PJA2: variants seen among roughly 807,000 people sequenced by gnomAD.
PJA2 encodes the protein E3 ubiquitin-protein ligase Praja-2.
A neutral mutation model predicts 69.3 loss-of-function variants in PJA2; 25 were observed. The observed-to-expected ratio is 0.36, with a 90% CI of 0.26 to 0.50. The LOEUF is 0.50. Ranked by LOEUF, PJA2 falls within the 20% of genes least tolerant of loss-of-function variation. The pLI is 0.96. For synonymous variants in PJA2, 308 were observed against 277.8 expected (o/e 1.11, Z -1.08); for missense variants, 809 against 830.2 (o/e 0.97, Z 0.31).
At chr5:109,388,417 C>T (rs1203013089) in intron 1 of PJA2, among the ~76,000 whole-genome samples, 1 of 152,184 alleles carries the variant, frequency 6.6e-6, no homozygotes, top group Non-Finnish European at 1.5e-5. Context: ...TCCTGAATTT[C>T]GAACCCACTG....
chr5:109,337,099 T>C lies in PJA2; in HGVS notation c.*132A>G, dbSNP rs1399770628. On this transcript the variant is annotated 3_prime_UTR_variant, in exon 10 of 10. Transcript: ENST00000361189. ...TAAATTTAGTTTAGAAAGGTTAATATTCTTTCTAAACTATGGCATATACTA... is the reference window on the plus strand; with the variant it reads ...TAAATTTAGTTTAGAAAGGTTAATACTCTTTCTAAACTATGGCATATACTA... 3.1e-5 allele frequency: 26 copies of C among 852,178 alleles called. No homozygotes were observed. In the Admixed American group the frequency reaches 9.8e-4, roughly 32 times the overall value. 52.8% of individuals were successfully genotyped at this position (852,178 alleles called of 1,614,324 possible). A position where few individuals can be genotyped will look rare whatever the true frequency, so the allele number is the denominator to read the frequency against.
At chr5:109,396,774 A>G (rs1747423751) in intron 1 of PJA2, among the ~76,000 whole-genome samples, 1 of 131,028 alleles carries the variant, frequency 7.6e-6, no homozygotes, top group Non-Finnish European at 1.6e-5. Flanking sequence ...AAAAAAAAAA[A>G]AAGGCAGGGG....
intron 7 of PJA2, among the ~76,000 whole-genome samples, chr5:109,354,022 A>AG (rs1276739799): frequency 1.0e-5 from 1 of 96,344 alleles, no homozygotes. Context: ...TTAGATATCT[A>AG]TGATATCTAG....
intron 9 of PJA2, among the ~76,000 whole-genome samples, chr5:109,339,547 G>C (rs928330687): frequency 2.0e-5 from 3 of 152,202 alleles, no homozygotes; most frequent in Admixed American, 1.3e-4. Context: ...TAATGTATGG[G>C]AGTAGAAATG....
chr5:109,351,044 T>A (rs1400977127), intron 7 of PJA2, among the ~76,000 whole-genome samples: 3 of 151,482 alleles, frequency 2.0e-5, no homozygotes, highest in Non-Finnish European at 4.4e-5. Context: ...AGGGACAATC[T>A]GAAGTACTGA....
intron 1 of PJA2, among the ~76,000 whole-genome samples, chr5:109,404,746 C>A (rs191021192): frequency 1.5e-3 from 224 of 152,224 alleles, no homozygotes; most frequent in Non-Finnish European, 1.5e-3. Context: ...ATGACCTAAT[C>A]ACCTCCTTGA....
rs924903343 is a variant in PJA2 at position 109,364,496 on chromosome 5, G to A, written c.1470-1474C>T. On this transcript the variant is annotated intron_variant, in intron 5 of 9. Transcript: ENST00000361189. The stretch of plus-strand genomic sequence containing the variant: ...AAATTAGCCGGGCGTAGTGGCGGGC[G>A]CCTGTAGTCCCAGCTACTTGGGAGG... 4.5e-4 allele frequency among the ~76,000 whole-genome samples: 68 copies of A among 150,238 alleles called. 1 individual carries two copies. Among genetic ancestry groups the A allele is most frequent in the African/African-American group, 1.5e-3 (63 of 41,108 alleles).
chr5:109,361,573 T>G (rs2126998049), intron 6 of PJA2, among the ~76,000 whole-genome samples: 1 of 152,292 alleles, frequency 6.6e-6, no homozygotes, highest in East Asian at 1.9e-4. Context: ...GACAGAAGAC[T>G]TCTGAATTAA....
At chr5:109,406,139 G>C (rs1747687464) in intron 1 of PJA2, among the ~76,000 whole-genome samples, 1 of 150,696 alleles carries the variant, frequency 6.6e-6, no homozygotes, top group Non-Finnish European at 1.5e-5. Flanking sequence ...CACCTCCCGG[G>C]TTCACGCCAT....
intron 9 of PJA2, among the ~76,000 whole-genome samples, chr5:109,343,480 A>G (rs1176971336): frequency 1.3e-5 from 2 of 151,880 alleles, no homozygotes; most frequent in Non-Finnish European, 1.5e-5. Flanking sequence ...ACCAACCTGT[A>G]TTAGCAGAAT....
At chr5:109,393,755 C>T (rs574027984) in intron 1 of PJA2, among the ~76,000 whole-genome samples, 3 of 152,164 alleles carry the variant, frequency 2.0e-5, no homozygotes, top group East Asian at 1.9e-4. Context: ...TATTTGTAGG[C>T]AGAATACTAC....
chr5:109,362,681 C>G (rs1200259892), intron 6 of PJA2, among the ~76,000 whole-genome samples, 159 bp downstream of exon 6: 1 of 152,006 alleles, frequency 6.6e-6, no homozygotes, highest in African/African-American at 2.4e-5. Context: ...AGGAAAGGGT[C>G]CAAGTAGGAA....
chr5:109,406,338 C>A (rs559723543), intron 1 of PJA2, among the ~76,000 whole-genome samples: 15 of 152,310 alleles, frequency 9.8e-5, no homozygotes, highest in Admixed American at 3.3e-4. Flanking sequence ...CCGCGCCAGG[C>A]CCACCCATTG....
At chr5:109,391,476 C>T (rs533262934) in intron 1 of PJA2, among the ~76,000 whole-genome samples, 4 of 151,622 alleles carry the variant, frequency 2.6e-5, no homozygotes, top group South Asian at 2.1e-4. Flanking sequence ...TAGTATTCTA[C>T]ATTAGACACC....
chr5:109,349,573 G>A (rs1258352926), intron 7 of PJA2, among the ~76,000 whole-genome samples: 1 of 152,114 alleles, frequency 6.6e-6, no homozygotes, highest in Non-Finnish European at 1.5e-5. Flanking sequence ...CCTATGAATA[G>A]CTTTCCTCAG....
In PJA2 at chr5:109,378,679, G is replaced by C. The variant is rs747279167; in HGVS notation, c.808C>G (p.Gln270Glu). 3 of 1,613,764 alleles carry C rather than the reference G, an allele frequency of 1.9e-6. No individual in the cohort carries two copies. The African/African-American group carries it at 4.0e-5, about 22-fold the overall frequency. Reference sequence around the variant, plus strand: ...TGTCTTTCCTGGCTAGTATTATTTTGTTGTTTCGTACTAACCATTTCATCT... The same window carrying C: ...TGTCTTTCCTGGCTAGTATTATTTTCTTGTTTCGTACTAACCATTTCATCT... ...SQDEMVSTKQQNNTSQERQTE... is the reference protein window; with the variant it reads ...SQDEMVSTKQENNTSQERQTE... The change falls in exon 4 of 10, where the codon CAA becomes GAA. Residue 270 changes from glutamine to glutamate, a missense_variant. Around this residue, in one of 4 missense-constraint regions of PJA2, gnomAD observed 700 missense variants for 639.5 expected, o/e 1.09. Coordinates refer to ENST00000361189, the MANE Select transcript of PJA2 (RefSeq NM_014819.5).
chr5:109,363,539 C>T (rs1431430231), intron 5 of PJA2, among the ~76,000 whole-genome samples: 2 of 152,182 alleles, frequency 1.3e-5, no homozygotes, highest in Non-Finnish European at 2.9e-5. Context: ...GGGGCCACTT[C>T]CTCTACCTAA....
At chr5:109,377,366 A>G (rs1006915330) in intron 4 of PJA2, among the ~76,000 whole-genome samples, 1 of 152,176 alleles carries the variant, frequency 6.6e-6, no homozygotes, top group Non-Finnish European at 1.5e-5. Flanking sequence ...CAACTAGCTT[A>G]CAAGGACTCA....
Position 109,356,036 on chromosome 5 carries a change from A to C in PJA2, c.1653-10T>G. ...AAAGCCATCAAATAGGCTGAAAAAAAAAAAAAATAACAGAAAAAACTCACC... is the reference window on the plus strand; with the variant it reads ...AAAGCCATCAAATAGGCTGAAAAAACAAAAAAATAACAGAAAAAACTCACC... On this transcript the variant is annotated splice_polypyrimidine_tract_variant and intron_variant, in intron 6 of 9. Transcript: ENST00000361189. 6.3e-7 allele frequency: 1 copy of C among 1,589,604 alleles called. No homozygotes were observed. The highest frequency in any genetic ancestry group is 8.6e-7 in the Non-Finnish European group (1 of 1,163,288).
Sources: gnomAD v4.1 joint callset for allele counts (sites outside exome capture counted in the v4.1 genomes callset) on GRCh38, gnomAD v4.1.1 for gene constraint, gnomAD v4.1.1 regional missense constraint, MANE v1.5 for transcripts, NCBI Gene and HGNC (gene_info 2026-07-23, HGNC 2026-07-21) for gene names.